The following FREM1 variants were observed in gnomAD, a reference collection of about 807,000 sequenced individuals.
The protein encoded by FREM1 is FRAS1-related extracellular matrix protein 1.
In FREM1, 220 loss-of-function variants were observed where a neutral mutation model predicts 210.1. The ratio of observed to expected loss-of-function variants is 1.05; its 90% CI spans 0.94 to 1.17. The LOEUF is 1.17. Among genes scored for constraint, FREM1 ranks in the 50% most tolerant of loss-of-function variants. The pLI is 0.00. For synonymous variants in FREM1, 1,189 were observed against 980.2 expected (o/e 1.21, Z -3.98); for missense variants, 3,454 against 2,675.5 (o/e 1.29, Z -6.42).
intron 20 of FREM1, among the ~76,000 whole-genome samples, chr9:14,798,420 G>A (rs952552261): frequency 3.3e-5 from 5 of 151,976 alleles, no homozygotes; most frequent in African/African-American, 7.2e-5. Flanking sequence ...AGGCCAGTTC[G>A]GAAAACATAA....
intron 15 of FREM1, among the ~76,000 whole-genome samples, chr9:14,814,622 C>G (rs186859238): frequency 1.3e-5 from 2 of 152,202 alleles, no homozygotes; most frequent in African/African-American, 4.8e-5. Context: ...TGTTCAAGTC[C>G]CCTGAGTGAA....
intron 24 of FREM1, among the ~76,000 whole-genome samples, chr9:14,782,998 G>C (rs1259919472): frequency 6.6e-6 from 1 of 152,152 alleles, no homozygotes; most frequent in Admixed American, 6.5e-5. Flanking sequence ...AGCTTGAAAA[G>C]GAATCCCCAC....
chr9:14,844,212 C>T (rs1381277369), intron 8 of FREM1, among the ~76,000 whole-genome samples: 1 of 145,820 alleles, frequency 6.9e-6, no homozygotes, highest in Non-Finnish European at 1.5e-5. Context: ...TCTTCAGATA[C>T]TTACAACTCT....
chr9:14,807,942 A>G lies in FREM1; in HGVS notation c.3086T>C (p.Ile1029Thr). ...PVDNQPPSIA[I>T]GPVFVVDEGC... ...GGAACAAAAAAACACATTGTCACCT[A>G]TTGCAATGGAAGGTGGCTGGTTGTC... The change falls in exon 17 of 37, where the codon ATA becomes ACA. Residue 1029 changes from isoleucine to threonine, a missense_variant and splice_region_variant. Physicochemically the swap from Ile to Thr is moderately conservative, Grantham distance 89. Transcript: ENST00000380880. The G allele has an allele frequency of 6.2e-7, 1 of 1,608,122 alleles. No homozygotes were observed. Among genetic ancestry groups the G allele is most frequent in the Non-Finnish European group, 8.5e-7 (1 of 1,174,996 alleles).
At chr9:14,908,100 C>G (rs915310693) in intron 1 of FREM1, among the ~76,000 whole-genome samples, 1 of 152,136 alleles carries the variant, frequency 6.6e-6, no homozygotes, top group Non-Finnish European at 1.5e-5. Context: ...CTCTGATGGC[C>G]ATGTCCAGTT....
chr9:14,768,783 T>C (rs912021703), intron 27 of FREM1, among the ~76,000 whole-genome samples: 3 of 152,152 alleles, frequency 2.0e-5, no homozygotes, highest in Admixed American at 6.5e-5. Context: ...GCAGAGGAGT[T>C]TCTCAGCTTT....
chr9:14,747,836 C>T (rs1037777139), intron 31 of FREM1, 108 bp from the exon 32 acceptor site: 8 of 573,684 alleles, frequency 1.4e-5, no homozygotes, highest in Non-Finnish European at 2.1e-5. Flanking sequence ...AATTACAAAA[C>T]ATATGTAATC....
chr9:14,803,206 CTTCT>C (rs1817638383), intron 19 of FREM1, among the ~76,000 whole-genome samples: 1 of 134,380 alleles, frequency 7.4e-6, no homozygotes, highest in African/African-American at 2.8e-5. Flanking sequence ...CTCCCTCTTT[CTTCT>C]TTCTCTTTTC....
intron 1 of FREM1, among the ~76,000 whole-genome samples, chr9:14,888,666 G>C (rs1411774875): frequency 6.6e-6 from 1 of 152,104 alleles, no homozygotes; most frequent in Admixed American, 6.5e-5. Context: ...AATGTGTGTT[G>C]ACTCACATTT....
chr9:14,776,074 C>T lies in FREM1; in HGVS notation c.4572G>A (p.Leu1524=), dbSNP rs748953299. The T allele has an allele frequency of 1.2e-6, 2 of 1,613,450 alleles. No individual in the cohort carries two copies. Among genetic ancestry groups the T allele is most frequent in the Non-Finnish European group, 1.7e-6 (2 of 1,179,430 alleles). Residue 1524 remains leucine (L), a synonymous_variant, in exon 25 of 37, where the codon CTG becomes CTA. Coordinates refer to ENST00000380880, the MANE Select transcript of FREM1 (RefSeq NM_001379081.2). ...GLRLAQGAVG[L]LSPDLLQLTD... is the part of the protein sequence containing the mutation. ...TCAGCTGAAGGAGGTCAGGGGAAAG[C>T]AGGCCCACGGCCCCTTGGGCCAGTC...
chr9:14,870,442 GC>G (rs1261692217), intron 1 of FREM1, among the ~76,000 whole-genome samples: 5 of 152,104 alleles, frequency 3.3e-5, no homozygotes, highest in Non-Finnish European at 5.9e-5. Flanking sequence ...GCTTATTTGG[GC>G]AAGAATGCAC....
intron 36 of FREM1, among the ~76,000 whole-genome samples, chr9:14,738,167 C>T (rs1368873103): frequency 6.6e-6 from 1 of 152,144 alleles, no homozygotes. Context: ...TGCCTCTCTA[C>T]CTCCACTGGC....
chr9:14,770,545 AG>A, intron 26 of FREM1, 59 bp downstream of exon 26: 1 of 1,289,402 alleles, frequency 7.8e-7, no homozygotes, highest in Non-Finnish European at 1.1e-6. Flanking sequence ...ATTACTCTCT[AG>A]CCCTGCCAGC....
At position 14,747,710 on chromosome 9, in the gene FREM1, A is replaced by C; in HGVS notation, c.5815T>G (p.Tyr1939Asp). 1.3e-6 allele frequency: 2 copies of C among 1,543,320 alleles called. No individual in the cohort carries two copies. The highest frequency in any genetic ancestry group is 2.4e-5 in the East Asian group (1 of 41,474). ...NGKTVRPSSV[Y>D]RNGTDIIYNY... ...TAGATGATGTCTGTTCCATTTCTAT[A>C]AACAGAGGATGGACGAACCTGAAAT... The change falls in exon 32 of 37, where the codon TAT (tyrosine) becomes GAT (aspartate). Residue 1939 changes from tyrosine to aspartate, a missense_variant. Coordinates refer to ENST00000380880, the MANE Select transcript of FREM1 (RefSeq NM_001379081.2).
At chr9:14,784,056 A>G (rs1156618734) in intron 24 of FREM1, among the ~76,000 whole-genome samples, 1 of 152,184 alleles carries the variant, frequency 6.6e-6, no homozygotes, top group African/African-American at 2.4e-5. Context: ...TTTACTGTGT[A>G]TATTTTTCAA....
chr9:14,775,337 T>C (rs949639668), intron 25 of FREM1, among the ~76,000 whole-genome samples: 1 of 152,310 alleles, frequency 6.6e-6, no homozygotes, highest in African/African-American at 2.4e-5. Context: ...ACCATATCTC[T>C]TTCATTCATA....
intron 10 of FREM1, among the ~76,000 whole-genome samples, chr9:14,825,626 A>G (rs996870579): frequency 6.7e-6 from 1 of 149,678 alleles, no homozygotes; most frequent in African/African-American, 2.5e-5. Context: ...CATAAAACAC[A>G]AAATATGTTC....
chr9:14,879,544 C>A (rs565878708), intron 1 of FREM1, among the ~76,000 whole-genome samples: 11 of 152,154 alleles, frequency 7.2e-5, no homozygotes, highest in Admixed American at 7.2e-4. Context: ...ATGTTGATTG[C>A]AGCAGTGTCC....
In FREM1 at chr9:14,860,706, C is replaced by T. The variant is rs866205662; in HGVS notation, c.330-1222G>A. ...ATACACATATATACACACATATATA[C>T]ACACATATATACACATATATACACA... On this transcript the variant is annotated intron_variant, in intron 3 of 36. Transcript: ENST00000380880. Among the ~76,000 whole-genome samples, 179 of 79,356 alleles carry T rather than the reference C, an allele frequency of 2.3e-3. 1 individual carries two copies. Among genetic ancestry groups the T allele is most frequent in the African/African-American group, 7.1e-3 (120 of 16,784 alleles). The allele number at this position is 79,356 out of a possible 152,430, so 52.1% of individuals were successfully genotyped here. A position where few individuals can be genotyped will look rare whatever the true frequency, so the allele number is the denominator to read the frequency against.
Sources: gnomAD v4.1 joint callset for allele counts (sites outside exome capture counted in the v4.1 genomes callset) on GRCh38, gnomAD v4.1.1 for gene constraint, MANE v1.5 for transcripts, NCBI Gene and HGNC (gene_info 2026-07-23, HGNC 2026-07-21) for gene names.